The following TANC2 variants were observed in gnomAD, a reference collection of about 807,000 sequenced individuals.
TANC2 encodes the protein protein TANC2.
TANC2 carries 26 observed loss-of-function variants against 210.5 expected under a neutral mutation model. The observed-to-expected ratio is 0.12, with a 90% confidence interval of 0.09 to 0.17. TANC2 has a LOEUF of 0.17. Ranked by LOEUF, TANC2 falls within the 10% of genes least tolerant of loss-of-function variation. TANC2 has a pLI of 1.00. For synonymous variants in TANC2, 931 were observed against 967.1 expected, an observed-to-expected ratio of 0.96 and a Z score of 0.69; for missense variants, 2,129 against 2,608.9, an observed-to-expected ratio of 0.82 and a Z score of 4.01.
At chr17:63,054,747 C>T (rs751581664) in intron 2 of TANC2, among the ~76,000 whole-genome samples, 2 of 152,064 alleles carry the variant, frequency 1.3e-5, no homozygotes, top group Non-Finnish European at 2.9e-5. Flanking sequence ...CATTCATGTC[C>T]TCTAACTCAT....
intron 2 of TANC2, among the ~76,000 whole-genome samples, chr17:63,023,671 T>G (rs1004010143): frequency 1.3e-5 from 2 of 152,226 alleles, no homozygotes; most frequent in Non-Finnish European, 2.9e-5. Context: ...AGATAACCTG[T>G]TTTGATTTCA....
chr17:63,200,789 C>A, exon 7 of TANC2: 1 of 1,612,778 alleles, frequency 6.2e-7, no homozygotes. Context: ...AATCACCCAG[C>A]GGATAAGTCC....
chr17:62,973,051 C>T (rs1303976421), intron 1 of TANC2, among the ~76,000 whole-genome samples: 3 of 148,894 alleles, frequency 2.0e-5, no homozygotes, highest in Non-Finnish European at 4.4e-5. Context: ...TTTTTTTACA[C>T]GGCGTCTCAC....
rs186291977 is a variant in TANC2 at position 63,186,644 on chromosome 17, C to G, written c.434-7347C>G. ...GTGCTGGGATTACAGGCGTGAGCCA[C>G]CGCACCCGGGCTTTCTTCGAGTCTT... On this transcript the variant is annotated intron_variant, in intron 5 of 27. Coordinates refer to ENST00000689528, the Ensembl canonical transcript of TANC2. Among the ~76,000 whole-genome samples, 180 of 152,244 alleles carry G rather than the reference C, an allele frequency of 1.2e-3. 1 individual carries two copies. Among genetic ancestry groups the G allele is most frequent in the African/African-American group, 4.2e-3 (173 of 41,544 alleles).
intron 6 of TANC2, among the ~76,000 whole-genome samples, chr17:63,199,169 A>G (rs1161555136): frequency 6.6e-6 from 1 of 152,192 alleles, no homozygotes; most frequent in African/African-American, 2.4e-5. Context: ...TTATCAACAC[A>G]TTCTCCAGTT....
intron 26 of TANC2, among the ~76,000 whole-genome samples, chr17:63,416,821 C>A (rs1431100581): frequency 6.6e-6 from 1 of 152,114 alleles, no homozygotes; most frequent in African/African-American, 2.4e-5. Flanking sequence ...GTGGAAGAGG[C>A]CCCCCAACCC....
At chr17:63,402,122 C>T (rs1018729359) in intron 19 of TANC2, among the ~76,000 whole-genome samples, 1 of 152,170 alleles carries the variant, frequency 6.6e-6, no homozygotes, top group Non-Finnish European at 1.5e-5. Context: ...CATATATTGC[C>T]TGTCTTCTCC....
intron 5 of TANC2, among the ~76,000 whole-genome samples, chr17:63,190,605 C>T (rs1050556483): frequency 6.6e-5 from 10 of 151,868 alleles, no homozygotes; most frequent in Non-Finnish European, 1.3e-4. Flanking sequence ...GGAAAGGAAG[C>T]GAGTAAGCAA....
chr17:63,417,902 G>T (rs553615764), intron 26 of TANC2, among the ~76,000 whole-genome samples: 62 of 152,342 alleles, frequency 4.1e-4, no homozygotes, highest in East Asian at 3.9e-4. Context: ...TGTAGTGCAT[G>T]TAGCAGGAAG....
Position 63,073,972 on chromosome 17 carries a change from A to T in TANC2, c.97A>T (p.Arg33Ter). The T allele has an allele frequency of 6.3e-7, 1 of 1,590,468 alleles. No homozygotes were observed. Among genetic ancestry groups the T allele is most frequent in the Non-Finnish European group, 8.6e-7 (1 of 1,167,976 alleles). ...AGGGAGCGAGGAACCACCGGATCGA[A>T]GACAGTCAAGTGTAGACTCTCGCCA... The change falls in exon 3 of 28, where the codon AGA becomes TGA. Residue 33 changes from arginine to a stop codon, truncating the protein, a stop_gained. Transcript: ENST00000689528. LOFTEE classifies it high-confidence loss of function.
At chr17:63,162,963 G>A (rs1403162182) in intron 5 of TANC2, among the ~76,000 whole-genome samples, 1 of 151,988 alleles carries the variant, frequency 6.6e-6, no homozygotes, top group East Asian at 1.9e-4. Flanking sequence ...CTGTATACTG[G>A]AGTTACACAT....
At chr17:63,018,262 C>T (rs931004642) in intron 2 of TANC2, among the ~76,000 whole-genome samples, 3 of 151,940 alleles carry the variant, frequency 2.0e-5, no homozygotes, top group African/African-American at 4.8e-5. Flanking sequence ...AGGCTGATGT[C>T]GGCGGGTCAC....
At chr17:62,998,334 G>A (rs80189614) in intron 1 of TANC2, among the ~76,000 whole-genome samples, 2,713 of 152,248 alleles carry the variant, frequency 0.018, 36 homozygotes, top group South Asian at 0.026. Flanking sequence ...AAGCAACTTG[G>A]ACAACATATT....
At chr17:63,112,439 A>T (rs1377027434) in intron 4 of TANC2, among the ~76,000 whole-genome samples, 1 of 152,180 alleles carries the variant, frequency 6.6e-6, no homozygotes, top group East Asian at 1.9e-4. Flanking sequence ...CATTGAGGTC[A>T]CTGTGTAAGG....
intron 8 of TANC2, among the ~76,000 whole-genome samples, chr17:63,242,475 T>TC (rs974250186): frequency 1.3e-5 from 2 of 152,132 alleles, no homozygotes; most frequent in African/African-American, 4.8e-5. Flanking sequence ...TGGTTCCATA[T>TC]CCATGGATAT....
intron 5 of TANC2, among the ~76,000 whole-genome samples, chr17:63,161,607 T>C (rs1412594410): frequency 6.6e-6 from 1 of 152,180 alleles, no homozygotes; most frequent in Non-Finnish European, 1.5e-5. Flanking sequence ...ATTTTCATAG[T>C]GTATTTTGCT....
At chr17:63,196,162 G>A (rs1429073370) in intron 6 of TANC2, among the ~76,000 whole-genome samples, 3 of 152,180 alleles carry the variant, frequency 2.0e-5, no homozygotes, top group Admixed American at 6.5e-5. Flanking sequence ...TTTAGTTGTG[G>A]GGTTGTTTTA....
chr17:63,319,384 TC>T (rs1327130373), intron 11 of TANC2, among the ~76,000 whole-genome samples: 11 of 152,150 alleles, frequency 7.2e-5, no homozygotes, highest in Non-Finnish European at 1.6e-4. Flanking sequence ...TCTCTCGGTT[TC>T]CTGGGCTAGA....
intron 9 of TANC2, among the ~76,000 whole-genome samples, chr17:63,289,108 C>T (rs2044308526): frequency 1.3e-5 from 2 of 152,080 alleles, no homozygotes; most frequent in Non-Finnish European, 2.9e-5. Flanking sequence ...TGGCTTCTTT[C>T]ATGATTTGTT....
Sources: allele counts gnomAD v4.1 joint callset (sites outside exome capture counted in the v4.1 genomes callset), GRCh38; gene constraint gnomAD v4.1.1; transcripts MANE v1.5; gene names NCBI Gene and HGNC (gene_info 2026-07-23, HGNC 2026-07-21).